PDE4D: variants seen among roughly 807,000 people sequenced by gnomAD.
PDE4D encodes phosphodiesterase 4D, also known as 3',5'-cyclic-AMP phosphodiesterase 4D.
In PDE4D, 24 loss-of-function variants were observed where a neutral mutation model predicts 87.4. That is an observed-to-expected ratio of 0.27 (90% confidence interval 0.20 to 0.39). The LOEUF (loss-of-function observed/expected upper bound fraction) is 0.39, where lower values mean the gene tolerates loss of function less well. PDE4D is among the 10% of genes least tolerant of loss of function. The pLI is 1.00. For synonymous variants in PDE4D, 384 were observed against 383.2 expected (o/e 1.00, Z -0.02); for missense variants, 714 against 1,041.0 (o/e 0.69, Z 4.32).
chr5:59,621,811 T>C (rs1182937540), intron 1 of PDE4D, among the ~76,000 whole-genome samples: 1 of 152,316 alleles, frequency 6.6e-6, no homozygotes, highest in Non-Finnish European at 1.5e-5. Flanking sequence ...AGAACAAGAA[T>C]ATGATGCTAA....
chr5:59,456,104 T>C (rs1292496896), intron 1 of PDE4D, among the ~76,000 whole-genome samples: 2 of 152,164 alleles, frequency 1.3e-5, no homozygotes, highest in Admixed American at 1.3e-4. Context: ...GGGAGACTGT[T>C]GGGGAGGCAT....
At chr5:59,889,670 G>T (rs1235185733) in intron 1 of PDE4D, among the ~76,000 whole-genome samples, 1 of 152,074 alleles carries the variant, frequency 6.6e-6, no homozygotes, top group African/African-American at 2.4e-5. Context: ...GTTGTGTAAA[G>T]TCAAAGAAAC....
chr5:59,197,295 T>A (rs1253415790), intron 2 of PDE4D, among the ~76,000 whole-genome samples: 2 of 152,158 alleles, frequency 1.3e-5, no homozygotes, highest in African/African-American at 4.8e-5. Context: ...TTTACCAGCC[T>A]TTTTTCCCTA....
At chr5:59,064,825 A>C (rs1322644372) in intron 5 of PDE4D, among the ~76,000 whole-genome samples, 2 of 152,224 alleles carry the variant, frequency 1.3e-5, no homozygotes, top group South Asian at 2.1e-4. Context: ...TCCAACAAAT[A>C]GCCTGACTTC....
At chr5:59,120,665 A>T (rs1774336545) in intron 5 of PDE4D, among the ~76,000 whole-genome samples, 1 of 143,894 alleles carries the variant, frequency 6.9e-6, no homozygotes, top group Admixed American at 6.9e-5. Flanking sequence ...TTTCACAGAA[A>T]TAAAAAAAAA....
intron 1 of PDE4D, among the ~76,000 whole-genome samples, chr5:59,514,193 C>T (rs2153670023): frequency 6.6e-6 from 1 of 151,692 alleles, no homozygotes; most frequent in South Asian, 2.1e-4. Flanking sequence ...GCATGCTCCG[C>T]CTCCCGGGTT....
intron 1 of PDE4D, among the ~76,000 whole-genome samples, chr5:59,595,050 A>G (rs1042085133): frequency 4.6e-5 from 7 of 152,188 alleles, no homozygotes; most frequent in Non-Finnish European, 1.0e-4. Flanking sequence ...TTTAAAAAAT[A>G]AAGTTTTTAC....
chr5:59,695,651 A>C (rs576872253), intron 1 of PDE4D, among the ~76,000 whole-genome samples: 1 of 152,216 alleles, frequency 6.6e-6, no homozygotes, highest in East Asian at 1.9e-4. Flanking sequence ...GTCCAGGCTG[A>C]AGTGCAGTGG....
intron 1 of PDE4D, among the ~76,000 whole-genome samples, chr5:59,247,399 A>T (rs1314581528): frequency 6.6e-6 from 1 of 152,140 alleles, no homozygotes; most frequent in Non-Finnish European, 1.5e-5. Context: ...TAGAGAAAAA[A>T]AGAGGCCCTG....
chr5:60,446,840 T>G (rs1455743971), intron 1 of PDE4D, among the ~76,000 whole-genome samples: 7 of 152,120 alleles, frequency 4.6e-5, no homozygotes, highest in Admixed American at 4.6e-4. Flanking sequence ...ATTCTGCGCC[T>G]GCCCCCTGCC....
intron 1 of PDE4D, among the ~76,000 whole-genome samples, chr5:60,297,270 G>A (rs774222534): frequency 6.6e-6 from 1 of 152,040 alleles, no homozygotes; most frequent in Non-Finnish European, 1.5e-5. Context: ...TCTTGGGTAG[G>A]GTTTGCCAAG....
intron 1 of PDE4D, among the ~76,000 whole-genome samples, chr5:60,404,280 T>C (rs16878015): frequency 0.015 from 2,258 of 151,806 alleles, 60 homozygotes; most frequent in African/African-American, 0.051. Flanking sequence ...CTATGTTGAC[T>C]GCTTGGATAA....
chr5:59,147,222 G>A (rs1466025109), intron 5 of PDE4D, among the ~76,000 whole-genome samples: 2 of 152,084 alleles, frequency 1.3e-5, no homozygotes, highest in Admixed American at 6.5e-5. Context: ...AGAATACATG[G>A]CAGTTCCATT....
chr5:59,073,312 T>A (rs1765149805), intron 5 of PDE4D, among the ~76,000 whole-genome samples: 1 of 152,052 alleles, frequency 6.6e-6, no homozygotes, highest in African/African-American at 2.4e-5. Context: ...AGGGTTCAGA[T>A]CTAAAGAGCA....
chr5:59,276,150 C>T, intron 1 of PDE4D: 1 of 970,250 alleles, frequency 1.0e-6, no homozygotes, highest in Non-Finnish European at 1.2e-6. Context: ...AAAAGAAAAG[C>T]CCAGCGCCCA....
chr5:59,897,940 A>G (rs1751837217), upstream of PDE4D, among the ~76,000 whole-genome samples: 1 of 152,206 alleles, frequency 6.6e-6, no homozygotes, highest in Non-Finnish European at 1.5e-5. Flanking sequence ...GAGATATATG[A>G]AAGGCTTTTA....
At chr5:59,539,222 G>A (rs1359527067) in intron 1 of PDE4D, among the ~76,000 whole-genome samples, 1 of 152,154 alleles carries the variant, frequency 6.6e-6, no homozygotes, top group Non-Finnish European at 1.5e-5. Flanking sequence ...ACAAATATTT[G>A]TTAAGTGAAT....
At chr5:59,715,413 C>G (rs996319466) in intron 1 of PDE4D, among the ~76,000 whole-genome samples, 1 of 152,202 alleles carries the variant, frequency 6.6e-6, no homozygotes, top group African/African-American at 2.4e-5. Flanking sequence ...CGATGGGGCA[C>G]GGTACACAGA....
intron 1 of PDE4D, among the ~76,000 whole-genome samples, chr5:59,533,066 C>A (rs1814518113): frequency 6.6e-6 from 1 of 152,112 alleles, no homozygotes; most frequent in South Asian, 2.1e-4. Flanking sequence ...TTTTTATTTC[C>A]TTAAGGTAGG....
Sources: allele counts gnomAD v4.1 joint callset (sites outside exome capture counted in the v4.1 genomes callset), GRCh38; gene constraint gnomAD v4.1.1; transcripts MANE v1.5; gene names NCBI Gene and HGNC (gene_info 2026-07-23, HGNC 2026-07-21).